DCLK1: variants seen among roughly 807,000 people sequenced by gnomAD.
DCLK1 encodes the protein serine/threonine-protein kinase DCLK1.
Under a neutral mutation model 86.2 loss-of-function variants are expected in DCLK1, and 16 were observed. The observed-to-expected ratio is 0.19, with a 90% CI of 0.13 to 0.28. DCLK1 has a LOEUF of 0.28. DCLK1 is among the 10% of genes least tolerant of loss of function. The pLI, the probability that DCLK1 is intolerant of heterozygous loss-of-function variation, is 1.00. For missense variants in DCLK1, 590 were observed against 940.2 expected (o/e 0.63, Z 4.87); for synonymous variants, 369 against 370.5 (o/e 1.00, Z 0.05).
In DCLK1 at chr13:35,769,618, T is replaced by C. The variant is rs963243178; in HGVS notation, c.*4917A>G. The C allele has an allele frequency of 6.6e-6, 1 of 152,194 alleles. No homozygotes were observed. The highest frequency in any genetic ancestry group is 2.4e-5 in the African/African-American group (1 of 41,452). The allele number at this position is 152,194 out of a possible 1,614,324, so 9.4% of individuals were successfully genotyped here. On this transcript the variant is annotated 3_prime_UTR_variant, in exon 17 of 17. Coordinates refer to ENST00000360631, the MANE Select transcript of DCLK1 (RefSeq NM_001330071.2). ...AAGGACTTTTTCTTACTACATTTGA[T>C]TGGACTGGAGTGAACTGACATTATA...
intron 4 of DCLK1, among the ~76,000 whole-genome samples, chr13:35,919,591 A>G (rs1875663743): frequency 6.6e-6 from 1 of 151,790 alleles, no homozygotes; most frequent in Non-Finnish European, 1.5e-5. Context: ...CCTCTCCCAG[A>G]CTCCTCTCTT....
At chr13:36,082,827 T>G (rs1015133072) in intron 3 of DCLK1, among the ~76,000 whole-genome samples, 2 of 152,192 alleles carry the variant, frequency 1.3e-5, no homozygotes, top group Admixed American at 1.3e-4. Context: ...GCTATCTACC[T>G]AGAACTTTAT....
chr13:35,809,739 A>G (rs1218661095), intron 12 of DCLK1, among the ~76,000 whole-genome samples: 1 of 152,182 alleles, frequency 6.6e-6, no homozygotes, highest in Non-Finnish European at 1.5e-5. Flanking sequence ...GAGGTCAGAC[A>G]AGGCTATGGA....
intron 3 of DCLK1, among the ~76,000 whole-genome samples, chr13:36,011,694 G>A (rs950162644): frequency 6.6e-6 from 1 of 152,094 alleles, no homozygotes; most frequent in Non-Finnish European, 1.5e-5. Flanking sequence ...TGAAAAAAAT[G>A]TATATTCTGT....
chr13:35,781,063 GACAT>G (rs2086516291), intron 16 of DCLK1, among the ~76,000 whole-genome samples: 2 of 152,162 alleles, frequency 1.3e-5, no homozygotes, highest in African/African-American at 4.8e-5. Flanking sequence ...TCAGTATAAA[GACAT>G]ATGAACTACC....
chr13:35,882,749 C>G (rs1247346003), intron 4 of DCLK1, among the ~76,000 whole-genome samples: 1 of 152,226 alleles, frequency 6.6e-6, no homozygotes, highest in African/African-American at 2.4e-5. Flanking sequence ...CCTCCACACT[C>G]AACTTAAATT....
chr13:36,049,436 A>G (rs1418060790), intron 3 of DCLK1, among the ~76,000 whole-genome samples: 2 of 152,192 alleles, frequency 1.3e-5, no homozygotes, highest in East Asian at 3.9e-4. Context: ...CCCTTCCATT[A>G]AAGTATTATT....
At chr13:35,895,665 CAAAT>C (rs564344200) in intron 4 of DCLK1, among the ~76,000 whole-genome samples, 21 of 151,320 alleles carry the variant, frequency 1.4e-4, no homozygotes, top group Non-Finnish European at 2.8e-4. Context: ...GAGAGGAACA[CAAAT>C]AAAGCACCTA....
At chr13:35,850,062 A>C in intron 6 of DCLK1, 1 of 981,996 alleles carries the variant, frequency 1.0e-6, no homozygotes, top group Non-Finnish European at 1.2e-6. Context: ...AAAACAAGGC[A>C]AGTTCCTAAA....
chr13:35,901,889 AT>A lies in DCLK1; in HGVS notation c.824-30550del, dbSNP rs34029733. ...AGCCTTGCTTTATTATGCAGAGCAA[AT>A]TTTTTTTTTTTGAGGGAGCATTTGT... is the stretch of plus-strand genomic sequence containing the variant. On this transcript the variant is annotated intron_variant, in intron 4 of 16. Coordinates refer to ENST00000360631, the MANE Select transcript of DCLK1 (RefSeq NM_001330071.2). Among the ~76,000 whole-genome samples the A allele has an allele frequency of 6.6e-3, 977 of 148,862 alleles. 5 individuals carry two copies. Among genetic ancestry groups the A allele is most frequent in the East Asian group, 0.034 (175 of 5,084 alleles).
At chr13:35,967,307 G>A (rs527306421) in intron 3 of DCLK1, among the ~76,000 whole-genome samples, 17 of 152,120 alleles carry the variant, frequency 1.1e-4, no homozygotes, top group East Asian at 1.9e-4. Context: ...CTGCCCGGCC[G>A]CCACCCCATC....
chr13:35,814,098 C>G (rs1175484610), intron 11 of DCLK1, among the ~76,000 whole-genome samples: 1 of 152,092 alleles, frequency 6.6e-6, no homozygotes, highest in Non-Finnish European at 1.5e-5. Flanking sequence ...AGCCCTCTCT[C>G]AACGGGGACT....
intron 4 of DCLK1, among the ~76,000 whole-genome samples, chr13:35,911,783 A>T (rs746578612): frequency 6.6e-6 from 1 of 152,216 alleles, no homozygotes. Context: ...CAAAGAGGCC[A>T]TATACACCCT....
At chr13:36,099,190 A>G (rs1161599304) in intron 3 of DCLK1, among the ~76,000 whole-genome samples, 1 of 151,054 alleles carries the variant, frequency 6.6e-6, no homozygotes, top group Non-Finnish European at 1.5e-5. Flanking sequence ...CTGGTCTCAA[A>G]CTCCTGACCT....
intron 3 of DCLK1, among the ~76,000 whole-genome samples, chr13:36,077,018 G>A (rs897889943): frequency 6.6e-6 from 1 of 152,122 alleles, no homozygotes; most frequent in Non-Finnish European, 1.5e-5. Flanking sequence ...AGGGAGAGGA[G>A]AAAGAGAGGA....
At chr13:36,106,170 C>A (rs1885388919) in intron 3 of DCLK1, among the ~76,000 whole-genome samples, 1 of 151,778 alleles carries the variant, frequency 6.6e-6, no homozygotes. Flanking sequence ...TGCAGGTACC[C>A]ATAATTGATC....
intron 12 of DCLK1, among the ~76,000 whole-genome samples, chr13:35,810,024 G>A (rs114971184): frequency 6.6e-6 from 1 of 152,248 alleles, no homozygotes; most frequent in African/African-American, 2.4e-5. Context: ...GCCCCACCCT[G>A]TTATTCCTTC....
chr13:36,032,100 T>C (rs764260636), intron 3 of DCLK1, among the ~76,000 whole-genome samples: 1 of 152,176 alleles, frequency 6.6e-6, no homozygotes, highest in Non-Finnish European at 1.5e-5. Flanking sequence ...TTTCTACAAA[T>C]CAGTTTTTCT....
Position 35,774,396 on chromosome 13 carries a change from T to TA in DCLK1, c.*138dup. 9.6e-7 allele frequency: 1 copy of TA among 1,039,978 alleles called. No homozygotes were observed. Among genetic ancestry groups the TA allele is most frequent in the Non-Finnish European group, 1.4e-6 (1 of 730,114 alleles). The allele number at this position is 1,039,978 out of a possible 1,614,324, so 64.4% of individuals were successfully genotyped here. A position where few individuals can be genotyped will look rare whatever the true frequency, so the allele number is the denominator to read the frequency against. On this transcript the variant is annotated 3_prime_UTR_variant, in exon 17 of 17. Coordinates refer to ENST00000360631, the MANE Select transcript of DCLK1 (RefSeq NM_001330071.2). ...CAGTAAAGGGAAACCGCTACAAAGA[T>TA]ACCTGAAAACACTTTCAGTTCTGCC...
Sources: allele counts gnomAD v4.1 joint callset (sites outside exome capture counted in the v4.1 genomes callset), GRCh38; gene constraint gnomAD v4.1.1; transcripts MANE v1.5; gene names NCBI Gene and HGNC (gene_info 2026-07-23, HGNC 2026-07-21).